Variants in RALY observed in about 807,000 individuals in gnomAD.
RALY encodes RALY heterogeneous nuclear ribonucleoprotein.
A neutral mutation model predicts 30.7 loss-of-function variants in RALY; 15 were observed. That is an observed-to-expected ratio of 0.49 (90% CI 0.33 to 0.75). The LOEUF is 0.75. Ranked by LOEUF, RALY falls within the 30% of genes least tolerant of loss-of-function variation. RALY has a pLI of 0.02. For synonymous variants in RALY, 177 were observed against 170.8 expected (o/e 1.04, Z -0.28); for missense variants, 339 against 414.3 (o/e 0.82, Z 1.58).
chr20:34,022,097 T>TC (rs1180981497), intron 1 of RALY, among the ~76,000 whole-genome samples: 115 of 148,852 alleles, frequency 7.7e-4, no homozygotes, highest in African/African-American at 2.6e-3. Flanking sequence ...TTTCTTTCTT[T>TC]TTTTTTTTTT....
intron 1 of RALY, among the ~76,000 whole-genome samples, chr20:34,027,947 G>C (rs147384752): frequency 4.6e-5 from 7 of 152,178 alleles, no homozygotes; most frequent in African/African-American, 1.4e-4. Context: ...TTAGAACTCA[G>C]GTCTCTTATT....
In RALY at chr20:34,075,869, C is replaced by T. The variant is rs1382644108; in HGVS notation, c.378-5C>T. On this transcript the variant is annotated splice_region_variant and splice_polypyrimidine_tract_variant and intron_variant, in intron 5 of 9. Transcript: ENST00000246194. The stretch of plus-strand genomic sequence containing the variant: ...CTGCAGCCTCTGGCCCATCTGCCCT[C>T]ACAGGCTCTTCGACTACCGGGGCCG... 3.1e-6 allele frequency: 5 copies of T among 1,611,528 alleles called. No individual in the cohort carries two copies. Among genetic ancestry groups the T allele is most frequent in the Non-Finnish European group, 4.2e-6 (5 of 1,178,260 alleles).
intron 1 of RALY, among the ~76,000 whole-genome samples, chr20:34,022,507 C>G (rs759358763): frequency 6.6e-6 from 1 of 152,102 alleles, no homozygotes; most frequent in Non-Finnish European, 1.5e-5. Context: ...CCTCAACTGC[C>G]AGAGCACATA....
intron 1 of RALY, among the ~76,000 whole-genome samples, chr20:34,024,494 A>G (rs192360257): frequency 6.6e-4 from 100 of 152,360 alleles, no homozygotes; most frequent in Middle Eastern, 3.4e-3. Context: ...ATTGTCTTGC[A>G]CATCTGTTGT....
intron 1 of RALY, among the ~76,000 whole-genome samples, chr20:34,027,086 A>G (rs1280228320): frequency 6.6e-6 from 1 of 152,192 alleles, no homozygotes; most frequent in African/African-American, 2.4e-5. Context: ...GAGAAGACAT[A>G]GCAGCAGTGA....
intron 2 of RALY, among the ~76,000 whole-genome samples, chr20:34,055,553 G>A (rs1387458754): frequency 6.6e-6 from 1 of 152,144 alleles, no homozygotes; most frequent in Non-Finnish European, 1.5e-5. Flanking sequence ...GATGCCAGTG[G>A]GGATGCCAAG....
At chr20:34,073,496 A>C in intron 3 of RALY, 67 bp from the exon 4 acceptor site, 1 of 1,417,628 alleles carries the variant, frequency 7.1e-7, no homozygotes, top group East Asian at 2.3e-5. Flanking sequence ...GTGCGTGTGC[A>C]TGAGGTTGAT....
chr20:34,060,357 G>C (rs560920777), intron 2 of RALY, among the ~76,000 whole-genome samples: 3 of 152,356 alleles, frequency 2.0e-5, no homozygotes, highest in Admixed American at 6.5e-5. Context: ...GAGCATTTCA[G>C]ATTAGGGATG....
chr20:33,994,401 C>G (rs1242282028), intron 1 of RALY: 1 of 152,400 alleles, frequency 6.6e-6, no homozygotes, highest in East Asian at 1.9e-4. Context: ...CGGGCCAAGT[C>G]TGGGCCAGTA....
chr20:34,001,424 T>C lies in RALY; in HGVS notation c.-93+7293T>C, dbSNP rs140657309. Among the ~76,000 whole-genome samples, 447 of 152,346 alleles carry C rather than the reference T, an allele frequency of 2.9e-3. 1 individual carries two copies. The highest frequency in any genetic ancestry group is 4.6e-3 in the Non-Finnish European group (311 of 68,030). ...CTGTAGAGACTGAATAGCTCTGTTA[T>C]TTGTCAAGGTAAGACTCATTGCTTT... On this transcript the variant is annotated intron_variant, in intron 1 of 9. Transcript: ENST00000246194.
chr20:34,079,868 C>T (rs1321946889), intron 9 of RALY, 42 bp from the exon 10 acceptor site: 1 of 152,442 alleles, frequency 6.6e-6, no homozygotes, highest in African/African-American at 2.4e-5. Context: ...GGGTCTCTTC[C>T]TCTCAGCCTT....
chr20:34,008,556 CAGATCTGTTCA>C (rs1445399884), intron 1 of RALY, among the ~76,000 whole-genome samples: 6 of 152,202 alleles, frequency 3.9e-5, no homozygotes, highest in Non-Finnish European at 8.8e-5. Flanking sequence ...CTTTCTGTTC[CAGATCTGTTCA>C]GTCTTATCCT....
At chr20:34,018,815 G>GC in intron 1 of RALY, among the ~76,000 whole-genome samples, 1 of 152,294 alleles carries the variant, frequency 6.6e-6, no homozygotes, top group Admixed American at 6.5e-5. Context: ...CGGAGATGGA[G>GC]CTCCTAATGA....
rs540236115 is a variant in RALY, at chr20:34,043,709, A to G, written c.-10+12105A>G. Among the ~76,000 whole-genome samples, 18 of 152,314 alleles carry G rather than the reference A, an allele frequency of 1.2e-4. No individual in the cohort carries two copies. The Middle Eastern group carries it at 0.02, about 173-fold the overall frequency. ...TTAGAGAAACCATCTTTGGGACAGTATGAAGGTTAGGAAGGATTCTTTGTT... is the reference window on the plus strand; with the variant it reads ...TTAGAGAAACCATCTTTGGGACAGTGTGAAGGTTAGGAAGGATTCTTTGTT... On this transcript the variant is annotated intron_variant, in intron 2 of 9. Transcript: ENST00000246194.
chr20:34,055,056 C>T (rs982166928), intron 2 of RALY, among the ~76,000 whole-genome samples: 1 of 152,086 alleles, frequency 6.6e-6, no homozygotes, highest in Non-Finnish European at 1.5e-5. Flanking sequence ...ATATTATTCC[C>T]ATTTTTACAA....
intron 2 of RALY, chr20:34,049,051 G>A (rs767372985): frequency 2.0e-5 from 3 of 152,342 alleles, no homozygotes; most frequent in Non-Finnish European, 4.4e-5. Flanking sequence ...CTGAGAGATG[G>A]ATAGGAATTA....
At chr20:34,040,349 A>G (rs758423905) in intron 2 of RALY, among the ~76,000 whole-genome samples, 1 of 152,134 alleles carries the variant, frequency 6.6e-6, no homozygotes, top group South Asian at 2.1e-4. Flanking sequence ...CTTTTTTAAC[A>G]TCTCCGCCAA....
chr20:34,001,091 T>C (rs1601395984), intron 1 of RALY, among the ~76,000 whole-genome samples: 1 of 152,216 alleles, frequency 6.6e-6, no homozygotes, highest in East Asian at 1.9e-4. Context: ...TATTGCTTTT[T>C]AGAGTGGACA....
intron 1 of RALY, among the ~76,000 whole-genome samples, chr20:34,023,753 A>G (rs931395434): frequency 6.6e-6 from 1 of 152,104 alleles, no homozygotes; most frequent in African/African-American, 2.4e-5. Context: ...CTATGGTATA[A>G]TAGGGCCAGA....
Sources: gnomAD v4.1 joint callset for allele counts (sites outside exome capture counted in the v4.1 genomes callset) on GRCh38, gnomAD v4.1.1 for gene constraint, MANE v1.5 for transcripts, NCBI Gene and HGNC (gene_info 2026-07-23, HGNC 2026-07-21) for gene names.